Variants in RPS17 observed in about 807,000 individuals in gnomAD.
The protein encoded by RPS17 is ribosomal protein S17.
For synonymous variants in RPS17, 75 were observed against 65.6 expected, an observed-to-expected ratio of 1.14 and a Z score of -0.70; for missense variants, 68 against 182.3, an observed-to-expected ratio of 0.37 and a Z score of 3.61.
intron 4 of RPS17, 156 bp downstream of exon 4, chr15:82,538,150 G>T: frequency 1.3e-6 from 1 of 769,560 alleles, no homozygotes; most frequent in Non-Finnish European, 2.3e-6. Flanking sequence ...CACAACTTCC[G>T]CTACACCCCT....
rs975834743 is a variant in RPS17 at position 82,539,266 on chromosome 15, C to T, written c.156-281G>A. ...CCCGCAGTTTCACGACCCTTCACAG[C>T]CTTCATTTTCTTCCAATTTCAAATT... is the stretch of plus-strand genomic sequence containing the variant. On this transcript the variant is annotated intron_variant, in intron 2 of 4. Coordinates refer to ENST00000647841, the MANE Select transcript of RPS17 (RefSeq NM_001021.6). 56 of 609,324 alleles carry T rather than the reference C, an allele frequency of 9.2e-5. 1 individual carries two copies. The East Asian group carries it at 1.8e-3, about 20-fold the overall frequency. 37.7% of individuals were successfully genotyped at this position (609,324 alleles called of 1,614,324 possible).
At position 82,538,254 on chromosome 15, in the gene RPS17, T is replaced by C. The variant is rs1207569961; in HGVS notation, c.327+52A>G. The C allele has an allele frequency of 1.3e-5, 20 of 1,598,018 alleles. No homozygotes were observed. In the East Asian group the frequency reaches 4.0e-4, roughly 32 times the overall value. On this transcript the variant is annotated intron_variant, in intron 4 of 4. Transcript: ENST00000647841. ...GGTGACCTTGGATAATAAGACCTAC[T>C]GATGGTTTTTGACCAGGAAAATACC...
At chr15:82,537,101 C>CT in intron 4 of RPS17, 2 of 639,348 alleles carry the variant, frequency 3.1e-6, no homozygotes, top group Non-Finnish European at 5.7e-6. Flanking sequence ...ATTTACAACT[C>CT]TATGACTTTT....
chr15:82,537,002 G>A, intron 4 of RPS17, 121 bp from the exon 5 acceptor site: 1 of 1,100,348 alleles, frequency 9.1e-7, no homozygotes, highest in South Asian at 1.3e-5. Context: ...CGACCTGAAG[G>A]ACCCTTTAAG....
chr15:82,539,890 C>T, intron 2 of RPS17, 91 bp downstream of exon 2: 12 of 1,603,764 alleles, frequency 7.5e-6, no homozygotes, highest in Admixed American at 1.7e-5. Flanking sequence ...GCTAACGAAA[C>T]CACCAAGGCA....
intron 3 of RPS17, 46 bp from the exon 4 acceptor site, chr15:82,538,417 T>A (rs2034277790): frequency 6.3e-7 from 1 of 1,595,864 alleles, no homozygotes; most frequent in African/African-American, 1.3e-5. Context: ...AATGAGATTA[T>A]CACTCACCTC....
At chr15:82,538,188 C>T (rs1389621905) in intron 4 of RPS17, 118 bp downstream of exon 4, 5 of 1,126,750 alleles carry the variant, frequency 4.4e-6, no homozygotes, top group African/African-American at 1.5e-5. Flanking sequence ...TTAGTGGCTA[C>T]AAGTTTAGAT....
intron 1 of RPS17, 130 bp from the exon 2 acceptor site, chr15:82,540,262 TGCCGGGC>T (rs1001860819): frequency 6.2e-6 from 10 of 1,602,318 alleles, no homozygotes; most frequent in African/African-American, 1.3e-5. Flanking sequence ...GGCTAAACAG[TGCCGGGC>T]GCCGGGCTTA....
chr15:82,539,724 C>T (rs1353174874), intron 2 of RPS17: 4 of 625,968 alleles, frequency 6.4e-6, no homozygotes, highest in Non-Finnish European at 1.1e-5. Context: ...AAAAAGTTGA[C>T]AACTAAAAGC....
Position 82,539,060 on chromosome 15 carries a change from T to G in RPS17, c.156-75A>C. ...CCACCTGGTACTGAGCACATGTGCA[T>G]ATATAAATACCCGCTTTAGTTCTTT... On this transcript the variant is annotated intron_variant, in intron 2 of 4. Transcript: ENST00000647841. 2.9e-6 allele frequency: 4 copies of G among 1,361,016 alleles called. No individual in the cohort carries two copies. The African/African-American group carries it at 5.7e-5, about 19-fold the overall frequency. The allele number at this position is 1,361,016 out of a possible 1,614,324, so 84.3% of individuals were successfully genotyped here.
intron 4 of RPS17, 77 bp from the exon 5 acceptor site, chr15:82,536,958 C>T: frequency 6.4e-7 from 1 of 1,565,902 alleles, no homozygotes; most frequent in Non-Finnish European, 8.8e-7. Context: ...ACACAGGCCC[C>T]TAGAGCCACA....
rs2034321884 is a variant in RPS17, at chr15:82,540,165, C to G, written c.4-33G>C. 5.6e-6 allele frequency: 9 copies of G among 1,613,614 alleles called. No homozygotes were observed. The South Asian group carries it at 9.9e-5, about 18-fold the overall frequency. On this transcript the variant is annotated intron_variant, in intron 1 of 4. Transcript: ENST00000647841. The stretch of plus-strand genomic sequence containing the variant: ...TGGAGAGGACAGGATCACTCACGAG[C>G]CAGCGCAACCTTCTGGGAAGAGTGC...
At chr15:82,539,560 G>A (rs1567156099) in intron 2 of RPS17, 1 of 434,532 alleles carries the variant, frequency 2.3e-6, no homozygotes, top group Non-Finnish European at 4.6e-6. Flanking sequence ...GTGGTAGCAC[G>A]TGCCTCTAAT....
intron 3 of RPS17, chr15:82,538,633 T>A: frequency 1.5e-6 from 1 of 645,676 alleles, no homozygotes; most frequent in Non-Finnish European, 2.8e-6. Flanking sequence ...GGGCAAACAA[T>A]CGAGCCACGA....
At chr15:82,539,332 C>T (rs2150888140) in intron 2 of RPS17, 15 of 488,406 alleles carry the variant, frequency 3.1e-5, no homozygotes, top group South Asian at 2.0e-4. Flanking sequence ...TGGCACTATT[C>T]TTCCAGGCCA....
At chr15:82,540,244 G>A in intron 1 of RPS17, 112 bp from the exon 2 acceptor site, 1 of 1,607,898 alleles carries the variant, frequency 6.2e-7, no homozygotes, top group Non-Finnish European at 8.5e-7. Flanking sequence ...CTGAGCCGGA[G>A]AGGGCCCGGC....
At position 82,538,904 on chromosome 15, in the gene RPS17, T is replaced by C. The variant is rs1413807393; in HGVS notation, c.237A>G (p.Glu79=). ...ISIKLQEEER[E]RRDNYVPEVS... Reference sequence around the variant, plus strand: ...CCTCAGGAACATAATTGTCTCTCCTTTCTCTCTCCTCCTCCTGCAGCTTGA... The same window carrying C: ...CCTCAGGAACATAATTGTCTCTCCTCTCTCTCTCCTCCTCCTGCAGCTTGA... Residue 79 remains glutamate (E), a synonymous_variant, in exon 3 of 5, where the codon GAA becomes GAG. Coordinates refer to ENST00000647841, the MANE Select transcript of RPS17 (RefSeq NM_001021.6). The C allele has an allele frequency of 5.0e-6, 8 of 1,613,958 alleles. No individual in the cohort carries two copies. The highest frequency in any genetic ancestry group is 6.8e-6 in the Non-Finnish European group (8 of 1,179,868).
chr15:82,537,121 A>G (rs1009086327), intron 4 of RPS17: 1 of 606,872 alleles, frequency 1.6e-6, no homozygotes, highest in Non-Finnish European at 3.0e-6. Flanking sequence ...TACCCAATGT[A>G]CCATGCCATT....
At chr15:82,539,103 G>T in intron 2 of RPS17, 118 bp from the exon 3 acceptor site, 1 of 1,022,106 alleles carries the variant, frequency 9.8e-7, no homozygotes, top group Admixed American at 1.7e-5. Flanking sequence ...TGAGAAGGAA[G>T]AGGACTCACT....
Sources: allele counts gnomAD v4.1 joint callset, GRCh38; gene constraint gnomAD v4.1.1; transcripts MANE v1.5; gene names NCBI Gene and HGNC (gene_info 2026-07-23, HGNC 2026-07-21).